The following APBB2 variants were observed in gnomAD, a reference collection of about 807,000 sequenced individuals.
APBB2 encodes Fe65-like 1.
In APBB2, 38 loss-of-function variants were observed where a neutral mutation model predicts 82.5. The ratio of observed to expected loss-of-function variants is 0.46; its 90% CI spans 0.36 to 0.60. The LOEUF (loss-of-function observed/expected upper bound fraction) is 0.60, where lower values mean the gene tolerates loss of function less well. Among genes scored for constraint, APBB2 ranks in the 20% least tolerant of loss-of-function variants. The pLI is 0.00. For synonymous variants in APBB2, 341 were observed against 368.2 expected (o/e 0.93, Z 0.85); for missense variants, 772 against 972.3 (o/e 0.79, Z 2.74).
intron 4 of APBB2, among the ~76,000 whole-genome samples, chr4:41,038,449 G>A (rs1448389352): frequency 6.6e-6 from 1 of 152,050 alleles, no homozygotes; most frequent in Non-Finnish European, 1.5e-5. Context: ...AAACAGTCCT[G>A]CACAGTCCCA....
chr4:40,811,075 A>C lies in APBB2; in HGVS notation c.*5017T>G, dbSNP rs1456138617. 1 of 152,154 alleles carries C rather than the reference A, an allele frequency of 6.6e-6. No homozygotes were observed. Among genetic ancestry groups the C allele is most frequent in the Non-Finnish European group, 1.5e-5 (1 of 68,044 alleles). 9.4% of individuals were successfully genotyped at this position (152,154 alleles called of 1,614,324 possible). A position where few individuals can be genotyped will look rare whatever the true frequency, so the allele number is the denominator to read the frequency against. On this transcript the variant is annotated 3_prime_UTR_variant, in exon 18 of 18. Transcript: ENST00000508593. Reference sequence around the variant, plus strand: ...GATCTCTACAGTAGCATGTGAAGTCACAATTTGTTGCCACTTACATTGATT... The same window carrying C: ...GATCTCTACAGTAGCATGTGAAGTCCCAATTTGTTGCCACTTACATTGATT...
intron 1 of APBB2, among the ~76,000 whole-genome samples, chr4:41,191,025 TTCTC>T (rs1278585377): frequency 2.0e-5 from 3 of 152,114 alleles, no homozygotes; most frequent in Non-Finnish European, 2.9e-5. Flanking sequence ...ATCGATTCAA[TTCTC>T]TCTGAGGAGA....
In APBB2 at chr4:41,067,712, G is replaced by A. The variant is rs78683537; in HGVS notation, c.-148-2039C>T. ...AATGGTAGAGAGGTACCACGGGATAGAAAGAGATGAATAAAGATAAAAAAT... is the reference window on the plus strand; with the variant it reads ...AATGGTAGAGAGGTACCACGGGATAAAAAGAGATGAATAAAGATAAAAAAT... On this transcript the variant is annotated intron_variant, in intron 3 of 17. Coordinates refer to ENST00000508593, the MANE Select transcript of APBB2 (RefSeq NM_004307.2). 6.8e-3 allele frequency among the ~76,000 whole-genome samples: 1,038 copies of A among 152,268 alleles called. 14 individuals are homozygous for A. The highest frequency in any genetic ancestry group is 0.032 in the East Asian group (165 of 5,172).
Position 41,029,193 on chromosome 4 carries a change from G to T in APBB2, c.19+4043C>A, listed in dbSNP as rs143842760. The stretch of plus-strand genomic sequence containing the variant: ...AGTTAATAGTGAAACCTACCCTGAG[G>T]AATGTCACTGTTTGAACTAGATTAC... On this transcript the variant is annotated intron_variant, in intron 5 of 17. Coordinates refer to ENST00000508593, the MANE Select transcript of APBB2 (RefSeq NM_004307.2). Among the ~76,000 whole-genome samples, 45 of 152,236 alleles carry T rather than the reference G, an allele frequency of 3.0e-4. No individual in the cohort carries two copies. The East Asian group carries it at 7.7e-3, about 26-fold the overall frequency.
At chr4:41,106,421 C>T (rs1178570255) in intron 2 of APBB2, among the ~76,000 whole-genome samples, 1 of 151,784 alleles carries the variant, frequency 6.6e-6, no homozygotes, top group East Asian at 1.9e-4. Flanking sequence ...GGTGGATGAA[C>T]TTAAATGATT....
chr4:41,047,191 A>C (rs948065525), intron 4 of APBB2, among the ~76,000 whole-genome samples: 2 of 152,200 alleles, frequency 1.3e-5, no homozygotes, highest in Non-Finnish European at 2.9e-5. Flanking sequence ...AGATGAAAAA[A>C]TTTCTGTTCT....
chr4:41,186,217 C>T (rs1398587710), intron 1 of APBB2, among the ~76,000 whole-genome samples: 1 of 152,150 alleles, frequency 6.6e-6, no homozygotes, highest in Non-Finnish European at 1.5e-5. Context: ...AATTAAAATA[C>T]ATAAAACCAT....
chr4:40,842,253 C>A, intron 12 of APBB2: 1 of 367,766 alleles, frequency 2.7e-6, no homozygotes, highest in Non-Finnish European at 5.6e-6. Flanking sequence ...AAAAGTTCTG[C>A]CTTTCAAAGA....
At chr4:41,180,105 C>T (rs988073288) in intron 1 of APBB2, among the ~76,000 whole-genome samples, 1 of 152,172 alleles carries the variant, frequency 6.6e-6, no homozygotes, top group African/African-American at 2.4e-5. Flanking sequence ...AGAATGGACA[C>T]AAACCTGAGA....
chr4:41,030,962 C>T (rs1716523574), intron 5 of APBB2, among the ~76,000 whole-genome samples: 1 of 152,162 alleles, frequency 6.6e-6, no homozygotes, highest in Non-Finnish European at 1.5e-5. Flanking sequence ...TGGTGACTCA[C>T]ACCTGTAATC....
intron 2 of APBB2, among the ~76,000 whole-genome samples, chr4:41,137,273 A>G (rs1057201138): frequency 6.6e-5 from 10 of 152,346 alleles, no homozygotes; most frequent in African/African-American, 2.2e-4. Flanking sequence ...TAAAACCTTC[A>G]TTCAGTAGTT....
At chr4:41,193,496 G>A in intron 1 of APBB2, 1 of 903,310 alleles carries the variant, frequency 1.1e-6, no homozygotes, top group Non-Finnish European at 1.3e-6. Context: ...CAAAACCTCA[G>A]TCCTACCCCT....
intron 1 of APBB2, among the ~76,000 whole-genome samples, chr4:41,213,063 T>C (rs1779717799): frequency 6.6e-6 from 1 of 150,884 alleles, no homozygotes; most frequent in South Asian, 2.1e-4. Flanking sequence ...GGACAAGATT[T>C]TAAATCTGAA....
chr4:41,130,525 TCAGAACTTG>T (rs1320744948), intron 2 of APBB2, among the ~76,000 whole-genome samples: 1 of 152,214 alleles, frequency 6.6e-6, no homozygotes, highest in Non-Finnish European at 1.5e-5. Context: ...ACTTCTGCTA[TCAGAACTTG>T]CAATCAGTCT....
chr4:41,192,172 G>A (rs746097219), intron 1 of APBB2, among the ~76,000 whole-genome samples: 1 of 152,196 alleles, frequency 6.6e-6, no homozygotes, highest in African/African-American at 2.4e-5. Flanking sequence ...AAAAGGGAAC[G>A]TTTGTACACT....
intron 5 of APBB2, among the ~76,000 whole-genome samples, chr4:41,017,696 G>C (rs890707891): frequency 1.3e-5 from 2 of 152,072 alleles, no homozygotes; most frequent in African/African-American, 4.8e-5. Context: ...GTAATATAGC[G>C]CGGGGCTGCC....
chr4:40,931,238 C>T (rs777769117), intron 10 of APBB2, among the ~76,000 whole-genome samples: 3 of 152,166 alleles, frequency 2.0e-5, no homozygotes, highest in African/African-American at 7.2e-5. Context: ...CCAGGCAACA[C>T]AAAACAGGCA....
chr4:40,885,995 A>G (rs1291888800), intron 12 of APBB2, among the ~76,000 whole-genome samples: 1 of 152,092 alleles, frequency 6.6e-6, no homozygotes, highest in East Asian at 1.9e-4. Flanking sequence ...TCTTGGAAAC[A>G]TCCCATTTAC....
At chr4:41,017,194 G>A (rs1810233979) in intron 5 of APBB2, among the ~76,000 whole-genome samples, 1 of 152,178 alleles carries the variant, frequency 6.6e-6, no homozygotes, top group Non-Finnish European at 1.5e-5. Context: ...ACCAGGCCCA[G>A]CCTGTATATG....
Sources: allele counts gnomAD v4.1 joint callset (sites outside exome capture counted in the v4.1 genomes callset), GRCh38; gene constraint gnomAD v4.1.1; transcripts MANE v1.5; gene names NCBI Gene and HGNC (gene_info 2026-07-23, HGNC 2026-07-21).